Variants in AATF observed in about 807,000 individuals in gnomAD.
The protein encoded by AATF is apoptosis antagonizing transcription factor, also known as protein AATF.
AATF carries 48 observed loss-of-function variants against 63.7 expected under a neutral mutation model. The ratio of observed to expected loss-of-function variants is 0.75; its 90% CI spans 0.60 to 0.96. AATF has a LOEUF of 0.96. Ranked by LOEUF, AATF falls within the 40% of genes least tolerant of loss-of-function variation. AATF has a pLI of 0.00. For missense variants in AATF, 639 were observed against 685.7 expected (o/e 0.93, Z 0.76); for synonymous variants, 258 against 247.7 (o/e 1.04, Z -0.39).
intron 8 of AATF, among the ~76,000 whole-genome samples, chr17:37,008,274 C>T (rs1276800175): frequency 1.3e-5 from 2 of 152,126 alleles, no homozygotes; most frequent in Non-Finnish European, 2.9e-5. Flanking sequence ...CTTTTTAAGT[C>T]CCAAAACAAC....
intron 4 of AATF, among the ~76,000 whole-genome samples, chr17:36,974,317 G>C (rs1286169406): frequency 1.3e-5 from 2 of 151,944 alleles, no homozygotes; most frequent in African/African-American, 2.4e-5. Context: ...ATTAAATATT[G>C]TTCTATAGCA....
rs748675019 is a variant in AATF at position 37,031,646 on chromosome 17, T to C, written c.1580T>C (p.Met527Thr). ...FHVLSKLLSF[M>T]APIDHTTMND... Reference sequence around the variant, plus strand: ...GTCCTTAGCAAGCTACTGAGTTTCATGGCACCTATTGACCATACTACAATG... The same window carrying C: ...GTCCTTAGCAAGCTACTGAGTTTCACGGCACCTATTGACCATACTACAATG... Residue 527 changes from methionine (M) to threonine (T), a missense_variant, in exon 11 of 12, where the codon ATG becomes ACG. Transcript: ENST00000619387. 5.6e-6 allele frequency: 9 copies of C among 1,614,086 alleles called. No individual in the cohort carries two copies. The highest frequency in any genetic ancestry group is 7.6e-6 in the Non-Finnish European group (9 of 1,180,020).
At chr17:37,038,753 T>C (rs2071612825) in intron 11 of AATF, among the ~76,000 whole-genome samples, 2 of 152,012 alleles carry the variant, frequency 1.3e-5, no homozygotes, top group African/African-American at 4.8e-5. Flanking sequence ...TCCCCAAAAA[T>C]ACAAAACTAC....
chr17:37,020,925 A>C lies in AATF; in HGVS notation c.1467-9A>C. 1.2e-6 allele frequency: 2 copies of C among 1,608,552 alleles called. No individual in the cohort carries two copies. Among genetic ancestry groups the C allele is most frequent in the Middle Eastern group, 1.7e-4 (1 of 6,048 alleles). The stretch of plus-strand genomic sequence containing the variant: ...TGATGATGCATAACATTGCTTGTGA[A>C]TTTTCCAGGCAGTGGCTTGCAATCC... On this transcript the variant is annotated splice_polypyrimidine_tract_variant and intron_variant, in intron 9 of 11. Coordinates refer to ENST00000619387, the MANE Select transcript of AATF (RefSeq NM_012138.4).
intron 8 of AATF, among the ~76,000 whole-genome samples, chr17:37,015,286 A>G (rs1473069450): frequency 7.2e-5 from 11 of 152,164 alleles, no homozygotes; most frequent in African/African-American, 2.7e-4. Context: ...TGTTTTCTAT[A>G]TATCTATTTG....
In AATF at chr17:37,009,823, C is replaced by CAAAA. The variant is rs1160362372; in HGVS notation, c.1399-9158_1399-9155dup. On this transcript the variant is annotated intron_variant, in intron 8 of 11. Coordinates refer to ENST00000619387, the MANE Select transcript of AATF (RefSeq NM_012138.4). ...TGGGCGACAGAGCGAGACTCCGTCT[C>CAAAA]AAAAAAAAAAAAAAAAAAAAAAAAA... 3.8e-3 allele frequency among the ~76,000 whole-genome samples: 109 copies of CAAAA among 28,782 alleles called. 10 individuals carry two copies. The highest frequency in any genetic ancestry group is 9.0e-3 in the African/African-American group (89 of 9,910). 18.9% of individuals were successfully genotyped at this position (28,782 alleles called of 152,430 possible). A position where few individuals can be genotyped will look rare whatever the true frequency, so the allele number is the denominator to read the frequency against.
rs189937822 is a variant in AATF, at chr17:36,973,961, C to T, written c.833-12656C>T. ...TGGCATACGCCTGTAATCCCTGCCTCGGGAGGCTGAGGCAGAAGAATCGCT... is the reference window on the plus strand; with the variant it reads ...TGGCATACGCCTGTAATCCCTGCCTTGGGAGGCTGAGGCAGAAGAATCGCT... On this transcript the variant is annotated intron_variant, in intron 4 of 11. Transcript: ENST00000619387. Among the ~76,000 whole-genome samples the T allele has an allele frequency of 2.2e-3, 329 of 151,782 alleles. 1 individual carries two copies. The highest frequency in any genetic ancestry group is 7.4e-3 in the African/African-American group (307 of 41,380).
chr17:37,045,207 C>T (rs1255806539), intron 11 of AATF, among the ~76,000 whole-genome samples: 1 of 152,188 alleles, frequency 6.6e-6, no homozygotes, highest in African/African-American at 2.4e-5. Flanking sequence ...ATAACCACAC[C>T]CTATGCTTTA....
At chr17:37,049,399 G>A (rs949501086) in intron 11 of AATF, among the ~76,000 whole-genome samples, 6 of 152,078 alleles carry the variant, frequency 3.9e-5, no homozygotes, top group Admixed American at 6.5e-5. Flanking sequence ...TCAGGAGATC[G>A]AGACCATCCT....
intron 4 of AATF, among the ~76,000 whole-genome samples, chr17:36,972,701 A>G (rs1239673797): frequency 6.7e-6 from 1 of 149,584 alleles, no homozygotes; most frequent in East Asian, 2.0e-4. Flanking sequence ...ATGCAAGATG[A>G]TAGTGTAATA....
intron 8 of AATF, among the ~76,000 whole-genome samples, chr17:37,002,903 GTTTTT>G (rs35926577): frequency 2.0e-5 from 2 of 99,202 alleles, no homozygotes; most frequent in African/African-American, 3.9e-5. Flanking sequence ...TCCTGTTGCT[GTTTTT>G]TTTTTTTTTT....
intron 10 of AATF, among the ~76,000 whole-genome samples, chr17:37,022,137 T>TGTGC (rs2071477417): frequency 6.7e-6 from 1 of 149,346 alleles, no homozygotes; most frequent in African/African-American, 2.5e-5. Flanking sequence ...TGTGTGTGTG[T>TGTGC]GTGTGTGTGT....
intron 9 of AATF, among the ~76,000 whole-genome samples, chr17:37,020,637 C>G (rs1281437971): frequency 6.6e-6 from 1 of 152,228 alleles, no homozygotes; most frequent in Non-Finnish European, 1.5e-5. Flanking sequence ...AGTAGCTCTA[C>G]TAAATCTGAT....
At chr17:36,960,665 A>T in intron 4 of AATF, among the ~76,000 whole-genome samples, 1 of 152,274 alleles carries the variant, frequency 6.6e-6, no homozygotes, top group East Asian at 1.9e-4. Context: ...GTTCTTGGCA[A>T]AGTTCTCACA....
intron 7 of AATF, among the ~76,000 whole-genome samples, chr17:36,989,801 AT>A (rs1437622241): frequency 1.3e-5 from 2 of 152,206 alleles, no homozygotes; most frequent in Non-Finnish European, 2.9e-5. Context: ...GAATAGTCAA[AT>A]TCTTTTGTTT....
chr17:37,022,393 C>T (rs911634158), intron 10 of AATF, among the ~76,000 whole-genome samples: 1 of 152,138 alleles, frequency 6.6e-6, no homozygotes, highest in African/African-American at 2.4e-5. Context: ...TAGTATTTAA[C>T]ACAACTCATC....
At chr17:37,007,856 G>A (rs1157180671) in intron 8 of AATF, among the ~76,000 whole-genome samples, 4 of 152,128 alleles carry the variant, frequency 2.6e-5, no homozygotes, top group Non-Finnish European at 5.9e-5. Flanking sequence ...GGAGCTGAAG[G>A]TCAGGAAAAG....
At chr17:36,965,627 A>G (rs1280632831) in intron 4 of AATF, among the ~76,000 whole-genome samples, 1 of 152,208 alleles carries the variant, frequency 6.6e-6, no homozygotes, top group Non-Finnish European at 1.5e-5. Context: ...ACAAGGTATG[A>G]ATCTCATTCC....
chr17:36,963,632 C>T (rs999467121), intron 4 of AATF, among the ~76,000 whole-genome samples: 1 of 152,122 alleles, frequency 6.6e-6, no homozygotes, highest in Non-Finnish European at 1.5e-5. Context: ...ATACAGAAGC[C>T]TTCAGGAAGA....
Sources: gnomAD v4.1 joint callset for allele counts (sites outside exome capture counted in the v4.1 genomes callset) on GRCh38, gnomAD v4.1.1 for gene constraint, MANE v1.5 for transcripts, NCBI Gene and HGNC (gene_info 2026-07-23, HGNC 2026-07-21) for gene names.